The following PKIA variants were observed in gnomAD, a reference collection of about 807,000 sequenced individuals.
PKIA encodes the protein cAMP-dependent protein kinase inhibitor alpha, also known as PKI-alpha.
In PKIA, 4 loss-of-function variants were observed where a neutral mutation model predicts 7.6. That is an observed-to-expected ratio of 0.52 (90% confidence interval 0.26 to 1.20). PKIA has a LOEUF of 1.20. PKIA is among the 50% of genes most tolerant of loss of function. The pLI, the probability that PKIA is intolerant of heterozygous loss-of-function variation, is 0.13. For missense variants in PKIA, 73 were observed against 86.2 expected, an observed-to-expected ratio of 0.85 and a Z score of 0.61; for synonymous variants, 21 against 30.7, an observed-to-expected ratio of 0.68 and a Z score of 1.04.
chr8:78,595,185 C>G (rs535377499), intron 2 of PKIA, among the ~76,000 whole-genome samples: 4 of 152,224 alleles, frequency 2.6e-5, no homozygotes, highest in African/African-American at 9.6e-5. Context: ...GTAAAGATAA[C>G]AGTAGATCAA....
At chr8:78,585,156 T>G (rs1001356504) in intron 2 of PKIA, among the ~76,000 whole-genome samples, 1 of 152,018 alleles carries the variant, frequency 6.6e-6, no homozygotes, top group African/African-American at 2.4e-5. Context: ...ACTTTTTAAA[T>G]TAATATTTTA....
chr8:78,519,357 G>T (rs111286280), intron 1 of PKIA, among the ~76,000 whole-genome samples: 4 of 152,106 alleles, frequency 2.6e-5, no homozygotes, highest in African/African-American at 9.7e-5. Context: ...AGGATTGCTT[G>T]AGCCCAGGAG....
chr8:78,573,089 C>CA (rs1330376708), intron 2 of PKIA, 150 bp downstream of exon 2: 1 of 152,034 alleles, frequency 6.6e-6, no homozygotes, highest in Non-Finnish European at 1.5e-5. Context: ...GTTTATCAGA[C>CA]AAAACCTTGG....
rs944295939 is a variant in PKIA at position 78,590,784 on chromosome 8, A to C, written c.-27-7574A>C. On this transcript the variant is annotated intron_variant, in intron 2 of 3. Transcript: ENST00000396418. ...AGTTTTTCTAATTTCCCATATGTTA[A>C]ATATTGGTAGATTTATCCCTGGAGA... Among the ~76,000 whole-genome samples the C allele has an allele frequency of 2.6e-5, 4 of 152,142 alleles. No individual in the cohort carries two copies. In the East Asian group the frequency reaches 7.7e-4, roughly 29 times the overall value.
chr8:78,532,099 G>A (rs908381524), intron 1 of PKIA, among the ~76,000 whole-genome samples: 2 of 151,948 alleles, frequency 1.3e-5, no homozygotes, highest in African/African-American at 4.8e-5. Context: ...TGTCATGGGG[G>A]TTTGTTGTAC....
At chr8:78,596,471 C>G (rs1413607313) in intron 2 of PKIA, among the ~76,000 whole-genome samples, 1 of 152,178 alleles carries the variant, frequency 6.6e-6, no homozygotes, top group African/African-American at 2.4e-5. Context: ...ACTCCTGACC[C>G]CAGGTGATCC....
intron 2 of PKIA, among the ~76,000 whole-genome samples, chr8:78,576,673 G>A (rs1031033987): frequency 6.6e-6 from 1 of 152,000 alleles, no homozygotes. Context: ...TGTGGCTAAT[G>A]AGTGAACTGT....
At chr8:78,553,089 GAAAA>G (rs200519145) in intron 1 of PKIA, among the ~76,000 whole-genome samples, 1 of 121,692 alleles carries the variant, frequency 8.2e-6, no homozygotes, top group African/African-American at 3.0e-5. Context: ...CCATTTGCAG[GAAAA>G]AAAAAAAAAA....
chr8:78,529,164 A>G (rs1409825049), intron 1 of PKIA, among the ~76,000 whole-genome samples: 1 of 152,098 alleles, frequency 6.6e-6, no homozygotes, highest in Non-Finnish European at 1.5e-5. Context: ...TTATTTTAGA[A>G]CATCATTTAT....
chr8:78,549,107 C>G (rs962192053), intron 1 of PKIA, among the ~76,000 whole-genome samples: 2 of 151,998 alleles, frequency 1.3e-5, no homozygotes, highest in African/African-American at 4.8e-5. Context: ...AACAAGAAAG[C>G]TGCACTGGGT....
chr8:78,587,571 A>G, intron 2 of PKIA, among the ~76,000 whole-genome samples: 1 of 152,328 alleles, frequency 6.6e-6, no homozygotes, highest in South Asian at 2.1e-4. Context: ...CCTTTGAAAT[A>G]TTAAATATAT....
At chr8:78,552,329 TAAA>T (rs34033112) in intron 1 of PKIA, among the ~76,000 whole-genome samples, 19 of 137,208 alleles carry the variant, frequency 1.4e-4, no homozygotes, top group East Asian at 6.3e-4. Context: ...ACCATTTTCT[TAAA>T]AAAAAAAAAA....
intron 2 of PKIA, among the ~76,000 whole-genome samples, chr8:78,581,086 C>T (rs1807796993): frequency 6.6e-6 from 1 of 151,932 alleles, no homozygotes; most frequent in Non-Finnish European, 1.5e-5. Context: ...ATACAATTCT[C>T]CTAGTGAAGG....
At chr8:78,536,870 AC>A (rs1806538865) in intron 1 of PKIA, among the ~76,000 whole-genome samples, 1 of 91,972 alleles carries the variant, frequency 1.1e-5, no homozygotes, top group Non-Finnish European at 2.2e-5. Flanking sequence ...ACACACACAC[AC>A]ACACACACAC....
intron 1 of PKIA, among the ~76,000 whole-genome samples, chr8:78,519,396 C>A (rs1335635696): frequency 6.6e-6 from 1 of 152,004 alleles, no homozygotes; most frequent in East Asian, 1.9e-4. Flanking sequence ...CATGATGGCA[C>A]CACTGTACTT....
chr8:78,537,976 T>C (rs906268506), intron 1 of PKIA, among the ~76,000 whole-genome samples: 1 of 152,052 alleles, frequency 6.6e-6, no homozygotes, highest in Non-Finnish European at 1.5e-5. Context: ...CCTCAAAACA[T>C]AAATCAGGTG....
At chr8:78,524,897 A>C (rs542325446) in intron 1 of PKIA, among the ~76,000 whole-genome samples, 1 of 152,086 alleles carries the variant, frequency 6.6e-6, no homozygotes, top group African/African-American at 2.4e-5. Context: ...ACAAAACATT[A>C]GTTGAACAAC....
intron 1 of PKIA, among the ~76,000 whole-genome samples, chr8:78,529,291 A>G (rs988708169): frequency 6.6e-6 from 1 of 152,128 alleles, no homozygotes; most frequent in Admixed American, 6.6e-5. Flanking sequence ...AGTGTGATCA[A>G]CAGATGACTA....
intron 2 of PKIA, among the ~76,000 whole-genome samples, chr8:78,582,785 G>A (rs770665480): frequency 2.0e-5 from 3 of 152,000 alleles, no homozygotes; most frequent in Non-Finnish European, 4.4e-5. Flanking sequence ...TTTCACACTC[G>A]CAAACTCAAA....
Sources: allele counts gnomAD v4.1 joint callset (sites outside exome capture counted in the v4.1 genomes callset), GRCh38; gene constraint gnomAD v4.1.1; transcripts MANE v1.5; gene names NCBI Gene and HGNC (gene_info 2026-07-23, HGNC 2026-07-21).